SNTG1: variants seen among roughly 807,000 people sequenced by gnomAD.
The protein encoded by SNTG1 is gamma-1-syntrophin.
Under a neutral mutation model 74.7 loss-of-function variants are expected in SNTG1, and 39 were observed. The observed-to-expected ratio is 0.52, with a 90% CI of 0.40 to 0.68. SNTG1 has a LOEUF of 0.68. Among genes scored for constraint, SNTG1 ranks in the 30% least tolerant of loss-of-function variants. The probability of loss-of-function intolerance (pLI) is 0.00; values close to 1 mark genes in which losing one functional copy is unlikely to be tolerated. For synonymous variants in SNTG1, 254 were observed against 217.1 expected (o/e 1.17, Z -1.49); for missense variants, 685 against 609.5 (o/e 1.12, Z -1.30).
intron 1 of SNTG1, among the ~76,000 whole-genome samples, chr8:49,925,533 C>T (rs1268613025): frequency 6.6e-6 from 1 of 152,158 alleles, no homozygotes; most frequent in Non-Finnish European, 1.5e-5. Flanking sequence ...TAACCACTCT[C>T]ACAATCAAGA....
At position 50,796,234 on chromosome 8, in the gene SNTG1, A is replaced by G. The variant is rs1802806994; in HGVS notation, c.*3405A>G. The G allele has an allele frequency of 6.6e-6, 1 of 152,068 alleles. No individual in the cohort carries two copies. Among genetic ancestry groups the G allele is most frequent in the South Asian group, 2.1e-4 (1 of 4,836 alleles). The allele number at this position is 152,068 out of a possible 1,614,324, so 9.4% of individuals were successfully genotyped here. ...AGTGTGGAGAAGCTTTAAAAGCACAAGGATGATCTTGTGCTTAACTTTTTA... is the reference window on the plus strand; with the variant it reads ...AGTGTGGAGAAGCTTTAAAAGCACAGGGATGATCTTGTGCTTAACTTTTTA... On this transcript the variant is annotated 3_prime_UTR_variant, in exon 19 of 19. Transcript: ENST00000642720.
chr8:50,065,519 A>G (rs1352687050), intron 1 of SNTG1, among the ~76,000 whole-genome samples: 2 of 152,206 alleles, frequency 1.3e-5, no homozygotes, highest in East Asian at 1.9e-4. Flanking sequence ...CTAATTACAT[A>G]CTACCCTTAA....
intron 4 of SNTG1, among the ~76,000 whole-genome samples, chr8:50,435,001 T>G (rs1380665306): frequency 1.3e-5 from 2 of 152,090 alleles, no homozygotes; most frequent in Non-Finnish European, 2.9e-5. Flanking sequence ...TTTTTTTTGG[T>G]GTCATGTATA....
At chr8:50,626,016 A>G (rs960216844) in intron 13 of SNTG1, among the ~76,000 whole-genome samples, 1 of 152,078 alleles carries the variant, frequency 6.6e-6, no homozygotes, top group Admixed American at 6.6e-5. Context: ...CTTCAAACCG[A>G]TTATATAAGT....
chr8:50,695,655 A>G (rs1200983045), intron 15 of SNTG1, among the ~76,000 whole-genome samples: 5 of 151,656 alleles, frequency 3.3e-5, no homozygotes, highest in Admixed American at 2.6e-4. Flanking sequence ...TTCAATGTCT[A>G]TTATTCCATT....
At chr8:50,591,369 A>G (rs979494295) in intron 13 of SNTG1, among the ~76,000 whole-genome samples, 1 of 152,156 alleles carries the variant, frequency 6.6e-6, no homozygotes, top group Non-Finnish European at 1.5e-5. Context: ...CTTACTCTTG[A>G]TATCAACTTT....
At chr8:50,222,438 A>G (rs541205031) in intron 2 of SNTG1, among the ~76,000 whole-genome samples, 14 of 152,178 alleles carry the variant, frequency 9.2e-5, no homozygotes, top group Non-Finnish European at 1.5e-4. Flanking sequence ...AATTTTTTAC[A>G]AAGATGGTTT....
chr8:50,402,265 G>A lies in SNTG1; in HGVS notation c.83G>A (p.Arg28Gln), dbSNP rs777169778. Residue 28 changes from arginine to glutamine, a missense_variant, in exon 4 of 19, where the codon CGG becomes CAG. Transcript: ENST00000642720. Reference sequence around the variant, plus strand: ...GGTAACCAGGAGCCTTTCAAAGTGCGGCTGCACCTAGCCAAAGACATTTTG... The same window carrying A: ...GGTAACCAGGAGCCTTTCAAAGTGCAGCTGCACCTAGCCAAAGACATTTTG... ...QDGNQEPFKV[R>Q]LHLAKDILMI... 2.0e-5 allele frequency: 32 copies of A among 1,613,338 alleles called. No individual in the cohort carries two copies. In the East Asian group the frequency reaches 2.5e-4, roughly 12 times the overall value.
intron 1 of SNTG1, among the ~76,000 whole-genome samples, chr8:50,063,003 T>C (rs1263268087): frequency 2.6e-5 from 4 of 152,190 alleles, no homozygotes; most frequent in Non-Finnish European, 5.9e-5. Flanking sequence ...CCTATCAAAC[T>C]AGTTAAATTT....
At chr8:50,196,289 T>C (rs1373020971) in intron 2 of SNTG1, among the ~76,000 whole-genome samples, 1 of 152,186 alleles carries the variant, frequency 6.6e-6, no homozygotes, top group African/African-American at 2.4e-5. Flanking sequence ...TAGCAACTGG[T>C]ATCTCGTAAT....
At chr8:50,643,063 C>G (rs1271288191) in intron 13 of SNTG1, among the ~76,000 whole-genome samples, 1 of 148,948 alleles carries the variant, frequency 6.7e-6, no homozygotes. Context: ...GGCAAAAAAA[C>G]AAACAACCTT....
chr8:49,982,150 A>T (rs1678899711), intron 1 of SNTG1, among the ~76,000 whole-genome samples: 1 of 152,192 alleles, frequency 6.6e-6, no homozygotes, highest in African/African-American at 2.4e-5. Context: ...AATCACTTAT[A>T]AAAAGAAAAA....
At chr8:50,131,636 A>G (rs1418958567) in intron 1 of SNTG1, among the ~76,000 whole-genome samples, 3 of 152,138 alleles carry the variant, frequency 2.0e-5, no homozygotes, top group African/African-American at 7.2e-5. Context: ...ATAATGCCTC[A>G]ATGAACATGG....
intron 2 of SNTG1, among the ~76,000 whole-genome samples, chr8:50,320,116 T>A (rs1352095549): frequency 6.6e-6 from 1 of 152,166 alleles, no homozygotes; most frequent in Non-Finnish European, 1.5e-5. Flanking sequence ...TTTGATAGGG[T>A]TTAGCAGTGA....
chr8:50,277,850 C>T (rs995402134), intron 2 of SNTG1, among the ~76,000 whole-genome samples: 9 of 151,986 alleles, frequency 5.9e-5, no homozygotes, highest in African/African-American at 1.7e-4. Flanking sequence ...TTAATTTTAT[C>T]GATGGTTATG....
chr8:49,994,439 A>AT (rs1814003999), intron 1 of SNTG1, among the ~76,000 whole-genome samples: 1 of 108,072 alleles, frequency 9.3e-6, no homozygotes, highest in African/African-American at 3.3e-5. Context: ...TTTTTTTTGT[A>AT]TTTTTAGTAG....
At chr8:50,225,677 A>G (rs1014971574) in intron 2 of SNTG1, among the ~76,000 whole-genome samples, 2 of 152,216 alleles carry the variant, frequency 1.3e-5, no homozygotes, top group Non-Finnish European at 2.9e-5. Context: ...AACGCCATTA[A>G]TATTTCTTCT....
At chr8:49,910,796 C>T (rs1805540372), upstream of SNTG1, 1 of 152,276 alleles carries the variant, frequency 6.6e-6, no homozygotes. Flanking sequence ...TTTGCTCTGG[C>T]TTTACAAAGG....
chr8:50,605,443 T>A lies in SNTG1; in HGVS notation c.849+14526T>A, dbSNP rs1457834573. 2.6e-5 allele frequency among the ~76,000 whole-genome samples: 4 copies of A among 152,194 alleles called. No individual in the cohort carries two copies. In the East Asian group the frequency reaches 5.8e-4, roughly 22 times the overall value. On this transcript the variant is annotated intron_variant, in intron 13 of 18. Coordinates refer to ENST00000642720, the MANE Select transcript of SNTG1 (RefSeq NM_018967.5). ...CTGATATCTGGGATGGGTAATTCCT[T>A]TCTGGCTGCTCCGAATGCTCCTTCC...
Sources: allele counts gnomAD v4.1 joint callset (sites outside exome capture counted in the v4.1 genomes callset), GRCh38; gene constraint gnomAD v4.1.1; transcripts MANE v1.5; gene names NCBI Gene and HGNC (gene_info 2026-07-23, HGNC 2026-07-21).